Variants in SAMD12 observed in about 807,000 individuals in gnomAD.
The protein encoded by SAMD12 is sterile alpha motif domain containing 12.
In SAMD12, 9 loss-of-function variants were observed where a neutral mutation model predicts 15.0. That is an observed-to-expected ratio of 0.60 (90% CI 0.36 to 1.05). The LOEUF (loss-of-function observed/expected upper bound fraction) is 1.05, where lower values mean the gene tolerates loss of function less well. Among genes scored for constraint, SAMD12 ranks in the 50% least tolerant of loss-of-function variants. The pLI is 0.01. For synonymous variants in SAMD12, 86 were observed against 90.1 expected (o/e 0.96, Z 0.25); for missense variants, 230 against 234.2 (o/e 0.98, Z 0.12).
In SAMD12 at chr8:118,335,516, T is replaced by C. The variant is rs184429267; in HGVS notation, c.433+44044A>G. On this transcript the variant is annotated intron_variant, in intron 4 of 4. Transcript: ENST00000409003. ...AACTACTGATTCTCCCACAACCTGG[T>C]GTGACACACTAAATGCTTTCCCCTT... Among the ~76,000 whole-genome samples the C allele has an allele frequency of 6.8e-4, 103 of 152,326 alleles. No homozygotes were observed. The Middle Eastern group carries it at 0.02, about 30-fold the overall frequency.
chr8:118,146,493 A>G, the SAMD12 span, among the ~76,000 whole-genome samples: 1 of 152,148 alleles, frequency 6.6e-6, no homozygotes, highest in Admixed American at 6.5e-5. Context: ...CATCCTGAAG[A>G]CCCCATATTC....
rs953914130 is a variant in SAMD12 at position 118,284,603 on chromosome 8, C to T, written c.434-86871G>A. On this transcript the variant is annotated intron_variant, in intron 4 of 4. Coordinates refer to the SAMD12 transcript ENST00000409003. ...TTGCCAGAGGTGACATATATACATA[C>T]AGCATCATTGTTTTCTGGAAAATGG... is the stretch of plus-strand genomic sequence containing the variant. The T allele has an allele frequency of 3.4e-5, 9 of 263,804 alleles. No individual in the cohort carries two copies. The Admixed American group carries it at 4.4e-4, about 13-fold the overall frequency. The allele number at this position is 263,804 out of a possible 1,614,324, so 16.3% of individuals were successfully genotyped here. A position where few individuals can be genotyped will look rare whatever the true frequency, so the allele number is the denominator to read the frequency against.
chr8:118,342,577 G>C (rs1429792353), intron 4 of SAMD12, among the ~76,000 whole-genome samples: 2 of 152,192 alleles, frequency 1.3e-5, no homozygotes, highest in African/African-American at 4.8e-5. Context: ...CTGAGAACTA[G>C]AAATGTAAGA....
the SAMD12 span, among the ~76,000 whole-genome samples, chr8:118,134,859 C>T: frequency 1.3e-5 from 2 of 152,198 alleles, no homozygotes; most frequent in African/African-American, 4.8e-5. Flanking sequence ...CTCATTGTCA[C>T]TCTCTTGCTC....
chr8:118,258,920 C>T (rs1052686345), intron 4 of SAMD12, among the ~76,000 whole-genome samples: 4 of 152,100 alleles, frequency 2.6e-5, no homozygotes, highest in Non-Finnish European at 5.9e-5. Context: ...ATCTGCCAGG[C>T]CCCTGCACAC....
Position 118,533,497 on chromosome 8 carries a change from T to C in SAMD12, c.192+47218A>G, listed in dbSNP as rs1324053364. Among the ~76,000 whole-genome samples the C allele has an allele frequency of 3.3e-5, 5 of 152,338 alleles. No individual in the cohort carries two copies. In the South Asian group the frequency reaches 6.2e-4, roughly 19 times the overall value. On this transcript the variant is annotated intron_variant, in intron 2 of 3. Coordinates refer to ENST00000314727, the MANE Select transcript of SAMD12 (RefSeq NM_207506.3). ...TGAGTTCAGTTCCTGGACATCCTTATTAACTTTCTGTCTCGTTGATCTGTC... is the reference window on the plus strand; with the variant it reads ...TGAGTTCAGTTCCTGGACATCCTTACTAACTTTCTGTCTCGTTGATCTGTC...
chr8:118,488,086 A>C (rs977086452), intron 2 of SAMD12, among the ~76,000 whole-genome samples: 1 of 138,266 alleles, frequency 7.2e-6, no homozygotes, highest in Non-Finnish European at 1.5e-5. Flanking sequence ...GTACAGGAAT[A>C]AAAAAAAAAA....
intron 4 of SAMD12, among the ~76,000 whole-genome samples, chr8:118,247,220 G>A (rs1009801094): frequency 3.9e-5 from 6 of 152,100 alleles, no homozygotes; most frequent in Non-Finnish European, 8.8e-5. Flanking sequence ...ACTCATAGAA[G>A]CAGAGAATAG....
chr8:118,310,782 G>C (rs752751878), intron 4 of SAMD12, among the ~76,000 whole-genome samples: 1 of 152,132 alleles, frequency 6.6e-6, no homozygotes, highest in African/African-American at 2.4e-5. Flanking sequence ...AATTTCCTAA[G>C]CATCTAATTC....
intron 2 of SAMD12, among the ~76,000 whole-genome samples, chr8:118,564,778 A>G (rs747244435): frequency 2.0e-5 from 3 of 152,200 alleles, no homozygotes; most frequent in African/African-American, 4.8e-5. Flanking sequence ...TAGGGACACT[A>G]TGAAAGTTTA....
At chr8:118,398,852 A>C (rs12543387) in intron 3 of SAMD12, among the ~76,000 whole-genome samples, 35,924 of 152,072 alleles carry the variant, frequency 0.24, 4,361 homozygotes, top group Admixed American at 0.27. Flanking sequence ...ATTGTGTATC[A>C]GTTATACTTC....
chr8:118,292,225 T>A (rs1313761702), intron 4 of SAMD12, among the ~76,000 whole-genome samples: 1 of 150,748 alleles, frequency 6.6e-6, no homozygotes, highest in Non-Finnish European at 1.5e-5. Flanking sequence ...TGCACCAAAA[T>A]CTCACAAATC....
At chr8:118,243,476 A>C (rs1301718186) in intron 4 of SAMD12, among the ~76,000 whole-genome samples, 1 of 152,130 alleles carries the variant, frequency 6.6e-6, no homozygotes, top group Non-Finnish European at 1.5e-5. Context: ...TTTTAAAAAA[A>C]ACTATATACT....
intron 4 of SAMD12, among the ~76,000 whole-genome samples, chr8:118,218,574 T>C (rs1383237344): frequency 1.5e-5 from 2 of 136,658 alleles, no homozygotes; most frequent in African/African-American, 5.5e-5. Flanking sequence ...TACTCTCTGC[T>C]ATGAGTTCAA....
chr8:118,361,299 G>A (rs1818487146), intron 4 of SAMD12, among the ~76,000 whole-genome samples: 2 of 152,146 alleles, frequency 1.3e-5, no homozygotes, highest in Non-Finnish European at 2.9e-5. Flanking sequence ...TACCTACTAT[G>A]AGCTAGATGC....
chr8:118,346,910 C>T (rs1817692090), intron 4 of SAMD12, among the ~76,000 whole-genome samples: 1 of 152,094 alleles, frequency 6.6e-6, no homozygotes, highest in African/African-American at 2.4e-5. Context: ...GCCAAGGTGG[C>T]TGTTGTTGTC....
chr8:118,368,979 C>A (rs1259831411), intron 4 of SAMD12, among the ~76,000 whole-genome samples: 1 of 152,178 alleles, frequency 6.6e-6, no homozygotes, highest in Non-Finnish European at 1.5e-5. Context: ...CCCACCTATT[C>A]CCAAGTGAGG....
chr8:118,250,371 C>T (rs1300830618), intron 4 of SAMD12, among the ~76,000 whole-genome samples: 6 of 152,014 alleles, frequency 3.9e-5, no homozygotes, highest in Admixed American at 3.9e-4. Context: ...ATATTTTATA[C>T]AAAGTACCTG....
downstream of SAMD12, among the ~76,000 whole-genome samples, chr8:118,377,171 C>A (rs1228824271): frequency 6.6e-6 from 1 of 152,028 alleles, no homozygotes; most frequent in Non-Finnish European, 1.5e-5. Flanking sequence ...CCAAGGTGAG[C>A]AGATCACTTG....
Sources: gnomAD v4.1 joint callset for allele counts (sites outside exome capture counted in the v4.1 genomes callset) on GRCh38, gnomAD v4.1.1 for gene constraint, MANE v1.5 for transcripts, NCBI Gene and HGNC (gene_info 2026-07-23, HGNC 2026-07-21) for gene names.